The following LRRC4C variants were observed in gnomAD, a reference collection of about 807,000 sequenced individuals.
LRRC4C encodes the protein leucine rich repeat containing 4C.
In LRRC4C, 5 loss-of-function variants were observed where a neutral mutation model predicts 33.6. That is an observed-to-expected ratio of 0.15 (90% CI 0.08 to 0.31). The LOEUF (loss-of-function observed/expected upper bound fraction) is 0.31. LRRC4C is among the 10% of genes least tolerant of loss of function. The pLI is 1.00. For synonymous variants in LRRC4C, 329 were observed against 302.0 expected, an observed-to-expected ratio of 1.09 and a Z score of -0.93; for missense variants, 560 against 796.7, an observed-to-expected ratio of 0.70 and a Z score of 3.58.
chr11:40,896,914 G>C (rs1955971597), intron 2 of LRRC4C, among the ~76,000 whole-genome samples: 1 of 152,090 alleles, frequency 6.6e-6, no homozygotes, highest in Non-Finnish European at 1.5e-5. Flanking sequence ...TAATTCCAAA[G>C]AGGAATTCTT....
At chr11:40,383,129 T>C (rs1948959128) in intron 3 of LRRC4C, among the ~76,000 whole-genome samples, 1 of 152,234 alleles carries the variant, frequency 6.6e-6, no homozygotes, top group African/African-American at 2.4e-5. Flanking sequence ...GAGTTTGTCA[T>C]GTGTCTGGCT....
chr11:40,878,423 G>A (rs565726884), intron 2 of LRRC4C, among the ~76,000 whole-genome samples: 8 of 152,146 alleles, frequency 5.3e-5, no homozygotes, highest in Non-Finnish European at 1.0e-4. Flanking sequence ...TAGCATCACC[G>A]TCTTAGCTCC....
chr11:40,488,467 A>C (rs766643015), intron 3 of LRRC4C, among the ~76,000 whole-genome samples: 3 of 152,130 alleles, frequency 2.0e-5, no homozygotes, highest in Non-Finnish European at 4.4e-5. Context: ...GGATAAAGTA[A>C]CAGTACATCA....
chr11:40,198,230 T>C (rs1326755755), intron 5 of LRRC4C, among the ~76,000 whole-genome samples: 1 of 152,248 alleles, frequency 6.6e-6, no homozygotes, highest in Admixed American at 6.5e-5. Context: ...TGTAGACAAA[T>C]ACATACAGAC....
intron 1 of LRRC4C, among the ~76,000 whole-genome samples, chr11:41,433,360 A>G (rs935539615): frequency 3.3e-5 from 5 of 152,090 alleles, no homozygotes; most frequent in Non-Finnish European, 7.4e-5. Flanking sequence ...TTAAATCAAA[A>G]CCAGTGATCC....
chr11:40,194,037 G>C (rs543638359), intron 5 of LRRC4C, among the ~76,000 whole-genome samples: 46 of 152,284 alleles, frequency 3.0e-4, no homozygotes, highest in Non-Finnish European at 5.4e-4. Context: ...CACACTTCAG[G>C]ATATTATCCA....
At chr11:40,205,432 GA>G (rs994414250) in intron 5 of LRRC4C, among the ~76,000 whole-genome samples, 3 of 151,948 alleles carry the variant, frequency 2.0e-5, no homozygotes, top group Admixed American at 6.5e-5. Context: ...AAACCCTCAA[GA>G]AAAAAACACT....
chr11:41,395,717 A>G (rs970497805), intron 1 of LRRC4C, among the ~76,000 whole-genome samples: 7 of 152,014 alleles, frequency 4.6e-5, no homozygotes, highest in African/African-American at 9.7e-5. Context: ...CTCTGACTAC[A>G]TAATTGGTCT....
Position 41,457,170 on chromosome 11 carries a change from A to T in LRRC4C, c.-496+2261T>A, listed in dbSNP as rs1014952288. ...TGCAATTAATTTTTACCAACACCAC[A>T]CATCTAAATATACCAGTATTTGGTG... On this transcript the variant is annotated intron_variant, in intron 1 of 6. Transcript: ENST00000528697. Among the ~76,000 whole-genome samples the T allele has an allele frequency of 3.9e-5, 6 of 152,202 alleles. No homozygotes were observed. In the East Asian group the frequency reaches 1.2e-3, roughly 29 times the overall value.
At chr11:40,230,762 A>G (rs1479361329) in intron 5 of LRRC4C, among the ~76,000 whole-genome samples, 1 of 152,216 alleles carries the variant, frequency 6.6e-6, no homozygotes, top group East Asian at 1.9e-4. Flanking sequence ...TAGGTGGTAG[A>G]TGAAGACAAA....
intron 3 of LRRC4C, among the ~76,000 whole-genome samples, chr11:40,415,561 T>C (rs554735820): frequency 6.6e-6 from 1 of 152,272 alleles, no homozygotes; most frequent in South Asian, 2.1e-4. Context: ...AGCGTACTGA[T>C]GGGCCTTAGA....
intron 3 of LRRC4C, among the ~76,000 whole-genome samples, chr11:40,569,321 T>C (rs1421338094): frequency 6.6e-6 from 1 of 152,158 alleles, no homozygotes; most frequent in Non-Finnish European, 1.5e-5. Context: ...GTTTCTCATC[T>C]GTAAAACAAT....
intron 1 of LRRC4C, among the ~76,000 whole-genome samples, chr11:41,159,414 T>C (rs1449416126): frequency 1.3e-5 from 2 of 152,090 alleles, no homozygotes; most frequent in Non-Finnish European, 2.9e-5. Flanking sequence ...GCAACATTAT[T>C]GTTTCAGAGT....
intron 1 of LRRC4C, among the ~76,000 whole-genome samples, chr11:40,935,328 A>T (rs763674530): frequency 6.6e-6 from 1 of 152,116 alleles, no homozygotes; most frequent in Non-Finnish European, 1.5e-5. Context: ...TGCAGAGGAA[A>T]ATCTTGTGTC....
chr11:40,996,571 CAT>C (rs1853988702), intron 1 of LRRC4C, among the ~76,000 whole-genome samples: 3 of 152,038 alleles, frequency 2.0e-5, no homozygotes. Flanking sequence ...AGGTTGGCCA[CAT>C]GTGTCAGTCA....
intron 2 of LRRC4C, among the ~76,000 whole-genome samples, chr11:40,654,322 A>G (rs1942980632): frequency 6.6e-6 from 1 of 152,202 alleles, no homozygotes; most frequent in South Asian, 2.1e-4. Context: ...AGCCCATGAA[A>G]GAGGCTGGGA....
intron 1 of LRRC4C, among the ~76,000 whole-genome samples, chr11:41,233,721 A>G (rs1947901132): frequency 6.6e-6 from 1 of 152,072 alleles, no homozygotes; most frequent in African/African-American, 2.4e-5. Context: ...GACTCCACTC[A>G]GATATGAGAA....
chr11:40,218,848 ACTCT>A (rs1864196910), intron 5 of LRRC4C, among the ~76,000 whole-genome samples: 1 of 150,820 alleles, frequency 6.6e-6, no homozygotes, highest in African/African-American at 2.4e-5. Flanking sequence ...CCACACACTC[ACTCT>A]GTTGCATCCA....
chr11:40,401,985 A>G (rs781229141), intron 3 of LRRC4C, among the ~76,000 whole-genome samples: 1 of 152,226 alleles, frequency 6.6e-6, no homozygotes, highest in Middle Eastern at 3.4e-3. Context: ...GGAGCCTGAA[A>G]AAAATATGTA....
Sources: gnomAD v4.1 joint callset for allele counts (sites outside exome capture counted in the v4.1 genomes callset) on GRCh38, gnomAD v4.1.1 for gene constraint, MANE v1.5 for transcripts, NCBI Gene and HGNC (gene_info 2026-07-23, HGNC 2026-07-21) for gene names.